The following LARP1B variants were observed in gnomAD, a reference collection of about 807,000 sequenced individuals.
LARP1B encodes the protein La ribonucleoprotein 1B.
A neutral mutation model predicts 114.2 loss-of-function variants in LARP1B; 76 were observed. That is an observed-to-expected ratio of 0.67 (90% CI 0.55 to 0.81). The LOEUF (loss-of-function observed/expected upper bound fraction) is 0.81. LARP1B is among the 30% of genes least tolerant of loss of function. The pLI is 0.00. For synonymous variants in LARP1B, 345 were observed against 348.0 expected (o/e 0.99, Z 0.10); for missense variants, 1,014 against 1,075.8 (o/e 0.94, Z 0.80).
At chr4:128,069,647 G>T in intron 1 of LARP1B, 1 of 589,706 alleles carries the variant, frequency 1.7e-6, no homozygotes, top group Admixed American at 2.7e-5. Flanking sequence ...TAGACAGAAG[G>T]GGCACGGATT....
intron 1 of LARP1B, among the ~76,000 whole-genome samples, chr4:128,065,315 T>TTCTTTCTTTCTTTCTTTC (rs1300396452): frequency 7.4e-5 from 6 of 80,592 alleles, no homozygotes; most frequent in African/African-American, 2.3e-4. Context: ...CTTTCTTTCT[T>TTCTTTCTTTCTTTCTTTC]TCTCTCTCTC....
intron 1 of LARP1B, among the ~76,000 whole-genome samples, chr4:128,065,839 A>G (rs907186424): frequency 2.0e-5 from 3 of 152,072 alleles, no homozygotes; most frequent in African/African-American, 7.2e-5. Flanking sequence ...TTATTTAAAT[A>G]GGTAGATAGA....
At chr4:128,159,181 A>G (rs1043197073) in intron 11 of LARP1B, among the ~76,000 whole-genome samples, 2 of 151,956 alleles carry the variant, frequency 1.3e-5, no homozygotes, top group Admixed American at 1.3e-4. Flanking sequence ...TCTAGGGAAA[A>G]AAAAAAAAAA....
intron 8 of LARP1B, among the ~76,000 whole-genome samples, chr4:128,104,904 T>C (rs1366601470): frequency 6.6e-6 from 1 of 152,190 alleles, no homozygotes; most frequent in Non-Finnish European, 1.5e-5. Context: ...AATGTGTGAT[T>C]ACCTTTTGTA....
intron 8 of LARP1B, among the ~76,000 whole-genome samples, chr4:128,099,950 G>A (rs7671131): frequency 0.58 from 88,285 of 151,698 alleles, 26,606 homozygotes; most frequent in Middle Eastern, 0.8. Context: ...TCTCATTGTG[G>A]GTTTTTTATT....
chr4:128,201,915 TAAATATC>T (rs372098435), intron 17 of LARP1B, among the ~76,000 whole-genome samples: 1 of 152,360 alleles, frequency 6.6e-6, no homozygotes, highest in African/African-American at 2.4e-5. Flanking sequence ...ATTCCTCTTG[TAAATATC>T]AAATAAGAAT....
chr4:128,207,163 G>T, intron 18 of LARP1B, 93 bp from the exon 19 acceptor site: 1 of 557,146 alleles, frequency 1.8e-6, no homozygotes, highest in Non-Finnish European at 2.8e-6. Flanking sequence ...TATATTGGAA[G>T]ATAAATTGTT....
chr4:128,181,492 C>T (rs1246890555), intron 15 of LARP1B, among the ~76,000 whole-genome samples: 1 of 151,900 alleles, frequency 6.6e-6, no homozygotes, highest in Non-Finnish European at 1.5e-5. Flanking sequence ...CTCATCTATT[C>T]TTCATTCTTT....
intron 11 of LARP1B, among the ~76,000 whole-genome samples, chr4:128,148,942 A>G (rs1322611276): frequency 3.9e-5 from 6 of 152,176 alleles, no homozygotes; most frequent in Non-Finnish European, 7.3e-5. Flanking sequence ...CTAATACTTA[A>G]AATAATTCTT....
intron 7 of LARP1B, among the ~76,000 whole-genome samples, chr4:128,097,082 G>A (rs1778328836): frequency 6.6e-6 from 1 of 151,760 alleles, no homozygotes; most frequent in Admixed American, 6.6e-5. Flanking sequence ...TATTTTAGTA[G>A]AGATGGGGTT....
At chr4:128,189,294 G>A (rs374403307) in intron 15 of LARP1B, among the ~76,000 whole-genome samples, 4 of 6,718 alleles carry the variant, frequency 6.0e-4, no homozygotes, top group Non-Finnish European at 1.4e-3. Context: ...ACTTTCACTT[G>A]TTCTATTTTG....
At chr4:128,116,946 G>A (rs1486892780) in intron 10 of LARP1B, among the ~76,000 whole-genome samples, 1 of 128,280 alleles carries the variant, frequency 7.8e-6, no homozygotes, top group South Asian at 2.5e-4. Flanking sequence ...GAGTCTTGCT[G>A]TGTCGCCCAG....
At chr4:128,134,844 C>T (rs1190679357) in intron 11 of LARP1B, among the ~76,000 whole-genome samples, 3 of 152,142 alleles carry the variant, frequency 2.0e-5, no homozygotes, top group Non-Finnish European at 4.4e-5. Flanking sequence ...ATGGCTCATG[C>T]CTGTAATCCC....
chr4:128,086,574 C>A (rs1773657353), intron 5 of LARP1B, among the ~76,000 whole-genome samples: 1 of 152,106 alleles, frequency 6.6e-6, no homozygotes, highest in South Asian at 2.1e-4. Flanking sequence ...AGCGATCTTC[C>A]AGCATCAGCC....
At chr4:128,107,107 CATA>C in intron 8 of LARP1B, 29 bp from the exon 9 acceptor site, 2 of 1,571,706 alleles carry the variant, frequency 1.3e-6, no homozygotes, top group Non-Finnish European at 1.7e-6. Flanking sequence ...TGAAATAGCT[CATA>C]ATTTTAATAG....
chr4:128,091,338 C>T lies in LARP1B; in HGVS notation c.503-9C>T, dbSNP rs1467113773. 2 of 1,598,114 alleles carry T rather than the reference C, an allele frequency of 1.3e-6. No individual in the cohort carries two copies. The highest frequency in any genetic ancestry group is 1.7e-6 in the Non-Finnish European group (2 of 1,172,512). ...GTGATTACCTTTCTTTTTCTTTATT[C>T]ACATCAAGTGAACTTTGATTATTCA... On this transcript the variant is annotated splice_polypyrimidine_tract_variant and intron_variant, in intron 6 of 19. Transcript: ENST00000326639.
chr4:128,200,012 G>A (rs1755446416), intron 16 of LARP1B, among the ~76,000 whole-genome samples: 1 of 152,150 alleles, frequency 6.6e-6, no homozygotes, highest in South Asian at 2.1e-4. Flanking sequence ...CTGGGACCTG[G>A]GAGGCAGAGG....
At chr4:128,171,510 C>G (rs1743714568) in intron 12 of LARP1B, among the ~76,000 whole-genome samples, 1 of 152,060 alleles carries the variant, frequency 6.6e-6, no homozygotes, top group South Asian at 2.1e-4. Context: ...GATTGTCTTT[C>G]AAGCGTGTTT....
chr4:128,092,930 A>G (rs1776401410), intron 7 of LARP1B: 2 of 985,312 alleles, frequency 2.0e-6, no homozygotes, highest in Non-Finnish European at 2.4e-6. Flanking sequence ...CCATGTCAGG[A>G]TAATCGGCCT....
Sources: gnomAD v4.1 joint callset for allele counts (sites outside exome capture counted in the v4.1 genomes callset) on GRCh38, gnomAD v4.1.1 for gene constraint, MANE v1.5 for transcripts, NCBI Gene and HGNC (gene_info 2026-07-23, HGNC 2026-07-21) for gene names.